Variants in MCM6 observed in about 807,000 individuals in gnomAD.
MCM6 encodes DNA replication licensing factor MCM6.
In MCM6, 46 loss-of-function variants were observed where a neutral mutation model predicts 94.3. The ratio of observed to expected loss-of-function variants is 0.49; its 90% CI spans 0.39 to 0.62. The LOEUF (loss-of-function observed/expected upper bound fraction) is 0.62. Among genes scored for constraint, MCM6 ranks in the 20% least tolerant of loss-of-function variants. The pLI, the probability that MCM6 is intolerant of heterozygous loss-of-function variation, is 0.00. For synonymous variants in MCM6, 335 were observed against 351.9 expected, an observed-to-expected ratio of 0.95 and a Z score of 0.54; for missense variants, 865 against 1,017.9, an observed-to-expected ratio of 0.85 and a Z score of 2.04.
At position 135,866,665 on chromosome 2, in the gene MCM6, T is replaced by C; in HGVS notation, c.679A>G (p.Ile227Val). The C allele has an allele frequency of 6.2e-7, 1 of 1,614,120 alleles. No homozygotes were observed. The highest frequency in any genetic ancestry group is 1.6e-4 in the Middle Eastern group (1 of 6,062). ...GATTCCACAGCTTCAGCCCTTAAAA[T>C]TACTTCTAAACTGCGGGGGATACTC... ...RGSIPRSLEVILRAEAVESAQ... is the reference protein window; with the variant it reads ...RGSIPRSLEVVLRAEAVESAQ... The change falls in exon 5 of 17, where the codon ATT becomes GTT. Residue 227 changes from isoleucine to valine, a missense_variant. Ile to Val is a conservative substitution (Grantham distance 29). Around this residue, in one of 3 missense-constraint regions of MCM6, gnomAD observed 404 missense variants for 451.9 expected, o/e 0.89. Transcript: ENST00000264156.
At chr2:135,852,599 T>G (rs575105389) in intron 12 of MCM6, among the ~76,000 whole-genome samples, 188 bp downstream of exon 12, 4 of 152,294 alleles carry the variant, frequency 2.6e-5, no homozygotes, top group East Asian at 1.9e-4. Context: ...ATTCAGAATT[T>G]TTTTTACAGT....
At chr2:135,873,560 A>AT (rs1439673517) in intron 1 of MCM6, among the ~76,000 whole-genome samples, 3 of 152,278 alleles carry the variant, frequency 2.0e-5, no homozygotes, top group Non-Finnish European at 2.9e-5. Flanking sequence ...TCTTTCAAAC[A>AT]TAATATGCAG....
At chr2:135,843,114 C>A (rs990919569) in intron 16 of MCM6, among the ~76,000 whole-genome samples, 3 of 152,104 alleles carry the variant, frequency 2.0e-5, no homozygotes, top group East Asian at 3.9e-4. Context: ...AGCTGGGGGT[C>A]AGAGGATTTG....
intron 2 of MCM6, among the ~76,000 whole-genome samples, chr2:135,871,112 T>C (rs761954821): frequency 3.9e-5 from 6 of 152,140 alleles, no homozygotes; most frequent in Admixed American, 6.5e-5. Flanking sequence ...TGAGAACAAA[T>C]TGGCAAAAAT....
intron 2 of MCM6, among the ~76,000 whole-genome samples, chr2:135,870,955 G>T (rs186808876): frequency 1.5e-4 from 23 of 152,110 alleles, no homozygotes; most frequent in Admixed American, 1.3e-4. Context: ...ATTTCACCAT[G>T]TTGTCCAGGC....
At chr2:135,868,050 A>C (rs1680132951) in intron 4 of MCM6, among the ~76,000 whole-genome samples, 1 of 151,792 alleles carries the variant, frequency 6.6e-6, no homozygotes, top group Non-Finnish European at 1.5e-5. Flanking sequence ...ACAAAACAAA[A>C]CAAACACACA....
intron 8 of MCM6, among the ~76,000 whole-genome samples, chr2:135,861,192 A>G (rs1679984750): frequency 6.6e-6 from 1 of 152,236 alleles, no homozygotes; most frequent in Admixed American, 6.5e-5. Context: ...CTAAAATGGT[A>G]CTATGCTACA....
intron 8 of MCM6, among the ~76,000 whole-genome samples, chr2:135,861,866 T>C (rs1440022351): frequency 6.6e-6 from 1 of 152,206 alleles, no homozygotes; most frequent in Non-Finnish European, 1.5e-5. Flanking sequence ...TCCGCCCGCC[T>C]TGATTTCCCA....
chr2:135,861,461 T>A (rs1679991567), intron 8 of MCM6, among the ~76,000 whole-genome samples: 1 of 152,208 alleles, frequency 6.6e-6, no homozygotes, highest in African/African-American at 2.4e-5. Context: ...CAGAAACTTG[T>A]TGCTTTTATT....
At chr2:135,841,930 C>T (rs1227448426) in intron 16 of MCM6, among the ~76,000 whole-genome samples, 1 of 152,014 alleles carries the variant, frequency 6.6e-6, no homozygotes, top group African/African-American at 2.4e-5. Flanking sequence ...CATGGTGAAA[C>T]ACCATCTCTA....
chr2:135,848,236 A>G, intron 13 of MCM6, 48 bp from the exon 14 acceptor site: 1 of 1,414,262 alleles, frequency 7.1e-7, no homozygotes, highest in East Asian at 2.3e-5. Context: ...TTGATATACC[A>G]AACAGATTTT....
chr2:135,852,802 T>C lies in MCM6; in HGVS notation c.1740A>G (p.Arg580=), dbSNP rs1679801107. The change falls in exon 12 of 17, where the codon AGA becomes AGG. Residue 580 remains arginine (R), a synonymous_variant. Coordinates refer to ENST00000264156, the MANE Select transcript of MCM6 (RefSeq NM_005915.6). ...GGTAGGTTACCTTGGGTTTAAACTG[T>C]CTTGCAAAGAGAAGATATCTTCTGA... ...DDIRRYLLFA[R]QFKPKISKES... 1.9e-6 allele frequency: 3 copies of C among 1,600,416 alleles called. No individual in the cohort carries two copies. The highest frequency in any genetic ancestry group is 1.3e-5 in the African/African-American group (1 of 74,088).
intron 4 of MCM6, among the ~76,000 whole-genome samples, chr2:135,868,008 C>G (rs1013147847): frequency 7.2e-5 from 11 of 151,984 alleles, no homozygotes; most frequent in African/African-American, 1.2e-4. Flanking sequence ...GCCTGGGTGA[C>G]AGAGAGAGAC....
At position 135,868,701 on chromosome 2, in the gene MCM6, T is replaced by C. The variant is rs1224848561; in HGVS notation, c.525A>G (p.Thr175=). 1 of 1,614,218 alleles carries C rather than the reference T, an allele frequency of 6.2e-7. No homozygotes were observed. Among genetic ancestry groups the C allele is most frequent in the Non-Finnish European group, 8.5e-7 (1 of 1,180,036 alleles). The change falls in exon 4 of 17, where the codon ACA becomes ACG. Residue 175 remains threonine, a synonymous_variant. Coordinates refer to ENST00000264156, the MANE Select transcript of MCM6 (RefSeq NM_005915.6). The part of the protein sequence containing the change: ...IRDVEQQFKY[T]QPNICRNPVC... ...CTGGATTTCGGCAGATGTTTGGCTGTGTGTATTTGAACTGCTGTTCTACAT... is the reference window on the plus strand; with the variant it reads ...CTGGATTTCGGCAGATGTTTGGCTGCGTGTATTTGAACTGCTGTTCTACAT...
intron 16 of MCM6, 117 bp from the exon 17 acceptor site, chr2:135,841,068 A>G (rs1679561654): frequency 2.7e-6 from 2 of 736,306 alleles, no homozygotes; most frequent in Admixed American, 4.2e-5. Context: ...TCATTTCCCA[A>G]CTAGAAACTC....
chr2:135,848,428 G>A (rs1439100434), intron 13 of MCM6, among the ~76,000 whole-genome samples: 1 of 152,134 alleles, frequency 6.6e-6, no homozygotes, highest in Non-Finnish European at 1.5e-5. Flanking sequence ...TTGTCAAGAA[G>A]GTAGAACAAC....
chr2:135,847,757 T>C (rs1170406003), intron 14 of MCM6, among the ~76,000 whole-genome samples: 1 of 152,142 alleles, frequency 6.6e-6, no homozygotes, highest in Non-Finnish European at 1.5e-5. Context: ...AGAGAAGGGG[T>C]TTCACCATAT....
intron 9 of MCM6, among the ~76,000 whole-genome samples, 153 bp from the exon 10 acceptor site, chr2:135,858,157 A>C (rs532605017): frequency 1.3e-5 from 2 of 152,130 alleles, no homozygotes; most frequent in East Asian, 3.9e-4. Context: ...TTGCCACTGT[A>C]CTCCAGGTTA....
At chr2:135,873,217 CCTT>C (rs1308412554) in intron 1 of MCM6, among the ~76,000 whole-genome samples, 9 of 152,194 alleles carry the variant, frequency 5.9e-5, no homozygotes, top group African/African-American at 2.2e-4. Flanking sequence ...ACTTGCTCCT[CCTT>C]GCCTTCCACC....
Sources: allele counts gnomAD v4.1 joint callset (sites outside exome capture counted in the v4.1 genomes callset), GRCh38; gene constraint gnomAD v4.1.1; regional missense constraint gnomAD v4.1.1; transcripts MANE v1.5; gene names NCBI Gene and HGNC (gene_info 2026-07-23, HGNC 2026-07-21).